The following ANKRD36 variants were observed in gnomAD, a reference collection of about 807,000 sequenced individuals.
ANKRD36 encodes the protein ankyrin repeat domain-containing protein 36A.
A neutral mutation model predicts 278.1 loss-of-function variants in ANKRD36; 179 were observed. The observed-to-expected ratio is 0.64, with a 90% CI of 0.57 to 0.73. ANKRD36 has a LOEUF of 0.73. ANKRD36 is among the 30% of genes least tolerant of loss of function. ANKRD36 has a pLI of 0.00. For synonymous variants in ANKRD36, 320 were observed against 641.1 expected (o/e 0.50, Z 7.57); for missense variants, 1,159 against 1,956.7 (o/e 0.59, Z 7.69).
At chr2:97,123,957 T>TTTTATATA (rs373971301) in intron 4 of ANKRD36, among the ~76,000 whole-genome samples, 2 of 141,806 alleles carry the variant, frequency 1.4e-5, no homozygotes, top group African/African-American at 2.6e-5. Flanking sequence ...TCCTCCATAT[T>TTTTATATA]TATATATATA....
intron 69 of ANKRD36, among the ~76,000 whole-genome samples, chr2:97,241,977 T>TCTTTACC (rs1467871746): frequency 8.0e-6 from 1 of 124,616 alleles, no homozygotes; most frequent in Non-Finnish European, 1.6e-5. Context: ...CAGATATTTT[T>TCTTTACC]CTTTACCCAG....
In ANKRD36 at chr2:97,181,740, A is replaced by G. The variant is rs753380654; in HGVS notation, c.1784A>G (p.Asp595Gly). ...PAEKATSDEKDSVSNIATEIK... is the reference protein window; with the variant it reads ...PAEKATSDEKGSVSNIATEIK... Reference sequence around the variant, plus strand: ...ATTCAGGCTACAAGTGACGAGAAAGATTCTGTTTCAAATATAGCCACAGAA... The same window carrying G: ...ATTCAGGCTACAAGTGACGAGAAAGGTTCTGTTTCAAATATAGCCACAGAA... Residue 595 changes from aspartate to glycine, a missense_variant, in exon 26 of 76, where the codon GAT becomes GGT. Physicochemically the swap from Asp to Gly is moderately conservative, Grantham distance 94. Coordinates refer to ENST00000420699, the MANE Select transcript of ANKRD36 (RefSeq NM_001354587.1). 8.7e-6 allele frequency: 14 copies of G among 1,609,386 alleles called. No homozygotes were observed. In the Admixed American group the frequency reaches 2.2e-4, roughly 25 times the overall value.
chr2:97,215,603 A>T, intron 62 of ANKRD36, 106 bp downstream of exon 62: 1 of 1,560,032 alleles, frequency 6.4e-7, no homozygotes, highest in East Asian at 2.4e-5. Context: ...GTTTGGATTC[A>T]GCATGCCTGA....
intron 6 of ANKRD36, among the ~76,000 whole-genome samples, chr2:97,133,867 A>G (rs1003613102): frequency 2.0e-5 from 3 of 151,364 alleles, no homozygotes; most frequent in Admixed American, 6.6e-5. Flanking sequence ...CCCATTTTCA[A>G]TATCTCCCAC....
At chr2:97,150,772 A>G (rs2045707180) in intron 12 of ANKRD36, among the ~76,000 whole-genome samples, 1 of 152,266 alleles carries the variant, frequency 6.6e-6, no homozygotes, top group South Asian at 2.1e-4. Context: ...TAAAGCCCCA[A>G]TCATGTTCTA....
chr2:97,204,366 A>G, intron 50 of ANKRD36, 103 bp downstream of exon 50: 1 of 1,331,980 alleles, frequency 7.5e-7, no homozygotes, highest in East Asian at 2.6e-5. Context: ...GCACATTCTG[A>G]TTCAGCAGTC....
Position 97,181,869 on chromosome 2 carries a change from A to T in ANKRD36, c.1837+76A>T, listed in dbSNP as rs2443851. On this transcript the variant is annotated intron_variant, in intron 26 of 75. Transcript: ENST00000420699. The stretch of plus-strand genomic sequence containing the variant: ...ACTTCTCTTCCCCGAATAAATCAGC[A>T]GGGGATTCATTGAAGCTGCACATTC... The T allele has an allele frequency of 1.5e-3, 1,298 of 867,096 alleles. 27 individuals carry two copies. In the African/African-American group the frequency reaches 0.016, roughly 11 times the overall value. The allele number at this position is 867,096 out of a possible 1,614,324, so 53.7% of individuals were successfully genotyped here. A position where few individuals can be genotyped will look rare whatever the true frequency, so the allele number is the denominator to read the frequency against.
chr2:97,149,508 G>A (rs2045326142), intron 12 of ANKRD36, 147 bp downstream of exon 12: 2 of 659,792 alleles, frequency 3.0e-6, no homozygotes, highest in Non-Finnish European at 4.6e-6. Flanking sequence ...TAAAGAAATG[G>A]GAGGGGTTAA....
intron 18 of ANKRD36, chr2:97,163,732 C>T: frequency 9.9e-6 from 1 of 100,946 alleles, no homozygotes; most frequent in Non-Finnish European, 1.4e-5. Context: ...CCTGCCACCA[C>T]ACCCGGCTAA....
chr2:97,260,425 A>AACAC (rs370223632), intron 75 of ANKRD36, among the ~76,000 whole-genome samples: 9 of 131,194 alleles, frequency 6.9e-5, no homozygotes, highest in Admixed American at 2.6e-4. Flanking sequence ...CACACACACA[A>AACAC]ACACACACAC....
chr2:97,183,127 T>TGG (rs1559526515), intron 26 of ANKRD36, among the ~76,000 whole-genome samples: 1 of 151,854 alleles, frequency 6.6e-6, no homozygotes, highest in African/African-American at 2.4e-5. Flanking sequence ...CATTGATTCC[T>TGG]GGGTGTATGA....
intron 26 of ANKRD36, 125 bp from the exon 27 acceptor site, chr2:97,183,334 G>A (rs1452073301): frequency 1.6e-6 from 2 of 1,256,916 alleles, no homozygotes; most frequent in African/African-American, 1.5e-5. Context: ...GACACAAACT[G>A]TAAAACATCA....
chr2:97,159,814 G>A (rs1182672942), intron 17 of ANKRD36, among the ~76,000 whole-genome samples: 18 of 150,122 alleles, frequency 1.2e-4, no homozygotes, highest in Non-Finnish European at 1.6e-4. Flanking sequence ...ACGGAGTCTC[G>A]CTCTGTCGCC....
In ANKRD36 at chr2:97,198,419, T is replaced by A. The variant is rs1329761821; in HGVS notation, c.2654-44T>A. 3.2e-6 allele frequency: 5 copies of A among 1,563,302 alleles called. No individual in the cohort carries two copies. In the African/African-American group the frequency reaches 6.8e-5, roughly 21 times the overall value. On this transcript the variant is annotated intron_variant, in intron 42 of 75. Transcript: ENST00000420699. ...CTGTATGAATGTATGGATAATTTTG[T>A]CGTTTTTACATATGAGTGATTATGA...
chr2:97,133,253 A>G (rs1015544995), intron 6 of ANKRD36, among the ~76,000 whole-genome samples: 7 of 151,974 alleles, frequency 4.6e-5, no homozygotes, highest in Non-Finnish European at 8.8e-5. Flanking sequence ...ACATGGTAAT[A>G]TAACATAGCA....
intron 26 of ANKRD36, among the ~76,000 whole-genome samples, chr2:97,182,276 T>G: frequency 9.6e-6 from 1 of 103,706 alleles, no homozygotes; most frequent in East Asian, 2.3e-4. Context: ...AATAAGTTAT[T>G]TATGTAATTT....
chr2:97,212,875 A>G (rs184867535), intron 58 of ANKRD36: 9 of 215,480 alleles, frequency 4.2e-5, no homozygotes, highest in Non-Finnish European at 8.1e-5. Context: ...ACTAGGTTTC[A>G]GCAAACATAA....
chr2:97,203,967 T>C, intron 48 of ANKRD36, 101 bp from the exon 49 acceptor site: 1 of 1,498,934 alleles, frequency 6.7e-7, no homozygotes, highest in South Asian at 1.2e-5. Context: ...CATACGCTAA[T>C]ACAGGCAGGA....
At position 97,185,501 on chromosome 2, in the gene ANKRD36, T is replaced by G; in HGVS notation, c.2032T>G (p.Cys678Gly). The stretch of plus-strand genomic sequence containing the variant: ...TACAGAAATAAAGGATGGACTACAG[T>G]GTGGGACAGGTAATTTTGCAAAACA... ...IATEIKDGLQCGTVSSQKQPA... is the reference protein window; with the variant it reads ...IATEIKDGLQGGTVSSQKQPA... The change falls in exon 30 of 76, where the codon TGT becomes GGT. Residue 678 changes from cysteine (C) to glycine (G), a missense_variant. Transcript: ENST00000420699. 1 of 1,610,760 alleles carries G rather than the reference T, an allele frequency of 6.2e-7. No homozygotes were observed.
Sources: allele counts gnomAD v4.1 joint callset (sites outside exome capture counted in the v4.1 genomes callset), GRCh38; gene constraint gnomAD v4.1.1; transcripts MANE v1.5; gene names NCBI Gene and HGNC (gene_info 2026-07-23, HGNC 2026-07-21).